Variants in PNPLA7 observed in about 807,000 individuals in gnomAD.
PNPLA7 encodes patatin like domain 7, lysophospholipase, also known as patatin-like phospholipase domain-containing protein 7.
A neutral mutation model predicts 161.7 loss-of-function variants in PNPLA7; 153 were observed. The ratio of observed to expected loss-of-function variants is 0.95; its 90% CI spans 0.83 to 1.08. PNPLA7 has a LOEUF of 1.08. PNPLA7 is among the 50% of genes least tolerant of loss of function. The probability of loss-of-function intolerance (pLI) is 0.00; values close to 1 mark genes in which losing one functional copy is unlikely to be tolerated. For missense variants in PNPLA7, 1,739 were observed against 1,856.6 expected (o/e 0.94, Z 1.16); for synonymous variants, 809 against 782.1 (o/e 1.03, Z -0.57).
intron 25 of PNPLA7, among the ~76,000 whole-genome samples, chr9:137,470,859 A>G (rs150186516): frequency 6.6e-6 from 1 of 152,384 alleles, no homozygotes; most frequent in African/African-American, 2.4e-5. Flanking sequence ...TCATCTCGAT[A>G]GAGTCACAAA....
Position 137,467,361 on chromosome 9 carries a change from G to A in PNPLA7, c.2995C>T (p.Arg999Trp), listed in dbSNP as rs776108371. The A allele has an allele frequency of 8.7e-6, 14 of 1,613,368 alleles. No homozygotes were observed. Among genetic ancestry groups the A allele is most frequent in the Admixed American group, 3.3e-5 (2 of 59,988 alleles). ...AFVGALYSEE[R>W]NYSQMRIRAK... The stretch of plus-strand genomic sequence containing the variant: ...CGGATCCGCATCTGGCTGTAGTTCC[G>A]CTCCTCAGAGTACAGGGCACCCACG... Residue 999 changes from arginine to tryptophan, a missense_variant, in exon 26 of 35, where the codon CGG becomes TGG. By Grantham distance (101) the Arg-to-Trp change is moderately radical. Around this residue, in one of 6 missense-constraint regions of PNPLA7, gnomAD observed 703 missense variants for 694.6 expected, o/e 1.01. Coordinates refer to ENST00000406427, the MANE Select transcript of PNPLA7 (RefSeq NM_001098537.3). This position sits in a 1 kb window ranked among gnomAD's most constrained non-coding sequence, Gnocchi z 5.1.
intron 8 of PNPLA7, among the ~76,000 whole-genome samples, chr9:137,526,403 A>T (rs890364219): frequency 6.6e-6 from 1 of 152,100 alleles, no homozygotes; most frequent in Non-Finnish European, 1.5e-5. Context: ...TCAGCCTCCC[A>T]AGTAGCTGGG....
At position 137,524,998 on chromosome 9, in the gene PNPLA7, T is replaced by C. The variant is rs1367726278; in HGVS notation, c.748-2141A>G. Among the ~76,000 whole-genome samples, 1 of 152,208 alleles carries C rather than the reference T, an allele frequency of 6.6e-6. No homozygotes were observed. The highest frequency in any genetic ancestry group is 1.5e-5 in the Non-Finnish European group (1 of 68,026). ...CTTAGAAGCTCCTGGAAGTGTCTTT[T>C]TATTCACAGTGCAATTCACTTGGGT... On this transcript the variant is annotated intron_variant, in intron 8 of 34. Coordinates refer to ENST00000406427, the MANE Select transcript of PNPLA7 (RefSeq NM_001098537.3). This position sits in a 1 kb window ranked among gnomAD's most constrained non-coding sequence, Gnocchi z 4.4.
At position 137,508,289 on chromosome 9, in the gene PNPLA7, C is replaced by T. The variant is rs114391885; in HGVS notation, c.1226-2206G>A. Among the ~76,000 whole-genome samples, 1,513 of 152,248 alleles carry T rather than the reference C, an allele frequency of 9.9e-3. 21 individuals are homozygous for T. The highest frequency in any genetic ancestry group is 0.034 in the African/African-American group (1,429 of 41,540). On this transcript the variant is annotated intron_variant, in intron 12 of 34. Transcript: ENST00000406427. ...GCCATTTAGAAAAGGATGTATCAGC[C>T]GGGCGCGGCAGCTCACGCCTGGAAT...
intron 8 of PNPLA7, among the ~76,000 whole-genome samples, chr9:137,528,901 TGCGTTA>T (rs1835436180): frequency 1.3e-5 from 2 of 151,964 alleles, no homozygotes; most frequent in African/African-American, 4.8e-5. Context: ...GAGGTTTCAC[TGCGTTA>T]GCCAGGATGG....
chr9:137,470,212 C>T (rs1479130980), intron 25 of PNPLA7, among the ~76,000 whole-genome samples: 6 of 152,126 alleles, frequency 3.9e-5, no homozygotes, highest in Admixed American at 1.3e-4. Context: ...GATGGGGTCT[C>T]ACTATGTTGC....
Position 137,541,574 on chromosome 9 carries a change from G to T in PNPLA7, c.667-852C>A. 1.2e-6 allele frequency: 1 copy of T among 834,064 alleles called. No individual in the cohort carries two copies. The highest frequency in any genetic ancestry group is 1.4e-6 in the Non-Finnish European group (1 of 691,790). 51.7% of individuals were successfully genotyped at this position (834,064 alleles called of 1,614,324 possible). A position where few individuals can be genotyped will look rare whatever the true frequency, so the allele number is the denominator to read the frequency against. On this transcript the variant is annotated intron_variant, in intron 7 of 34. Coordinates refer to ENST00000406427, the MANE Select transcript of PNPLA7 (RefSeq NM_001098537.3). This position sits in a 1 kb window ranked among gnomAD's most constrained non-coding sequence, Gnocchi z 4.4. ...TCACACAAAGCCCAGGGTTTGCTGAGTGCGTGCTTTAAATGAGAACAAGCA... is the reference window on the plus strand; with the variant it reads ...TCACACAAAGCCCAGGGTTTGCTGATTGCGTGCTTTAAATGAGAACAAGCA...
chr9:137,465,320 C>T (rs563901602), intron 26 of PNPLA7, among the ~76,000 whole-genome samples: 22 of 152,324 alleles, frequency 1.4e-4, no homozygotes, highest in Admixed American at 2.6e-4. Context: ...CACACAGCCC[C>T]GGCCTCACCT....
chr9:137,472,727 C>T lies in PNPLA7; in HGVS notation c.2883-5254G>A, dbSNP rs370863016. 5.4e-4 allele frequency among the ~76,000 whole-genome samples: 80 copies of T among 147,344 alleles called. 3 individuals carry two copies. The South Asian group carries it at 0.014, about 25-fold the overall frequency. On this transcript the variant is annotated intron_variant, in intron 25 of 34. Coordinates refer to ENST00000406427, the MANE Select transcript of PNPLA7 (RefSeq NM_001098537.3). Reference sequence around the variant, plus strand: ...ATTCCAGCACTTTGGGAGGCTGAGGCGGGCAGATCACGAGGTCAGGAGTTT... The same window carrying T: ...ATTCCAGCACTTTGGGAGGCTGAGGTGGGCAGATCACGAGGTCAGGAGTTT...
intron 25 of PNPLA7, among the ~76,000 whole-genome samples, chr9:137,473,014 C>G (rs1324406131): frequency 6.6e-6 from 1 of 152,052 alleles, no homozygotes; most frequent in East Asian, 1.9e-4. Context: ...GGAGGCCTCA[C>G]AATCATGGTG....
chr9:137,460,080 G>C lies in PNPLA7; in HGVS notation c.*313C>G, dbSNP rs1322014321. Reference sequence around the variant, plus strand: ...GCTTTGGGGGCCTCACAGGGCAGCAGGTGGTTCACAGGGCTTCGGGGGGCC... The same window carrying C: ...GCTTTGGGGGCCTCACAGGGCAGCACGTGGTTCACAGGGCTTCGGGGGGCC... On this transcript the variant is annotated 3_prime_UTR_variant, in exon 35 of 35. Coordinates refer to ENST00000406427, the MANE Select transcript of PNPLA7 (RefSeq NM_001098537.3). 6.2e-6 allele frequency: 2 copies of C among 322,578 alleles called. No individual in the cohort carries two copies. The highest frequency in any genetic ancestry group is 4.2e-5 in the Admixed American group (1 of 23,818). The allele number at this position is 322,578 out of a possible 1,614,324, so 20.0% of individuals were successfully genotyped here. A position where few individuals can be genotyped will look rare whatever the true frequency, so the allele number is the denominator to read the frequency against.
Position 137,502,952 on chromosome 9 carries a change from C to T in PNPLA7, c.1474-1225G>A, listed in dbSNP as rs115654912. Among the ~76,000 whole-genome samples, 429 of 151,916 alleles carry T rather than the reference C, an allele frequency of 2.8e-3. 3 individuals are homozygous for T. The highest frequency in any genetic ancestry group is 9.8e-3 in the African/African-American group (407 of 41,372). The stretch of plus-strand genomic sequence containing the variant: ...TTCAAGGGGGGGCACCCGAACGGTA[C>T]GGAAGGGGTGCAGAGAAAACAAGGT... On this transcript the variant is annotated intron_variant, in intron 14 of 34. Coordinates refer to ENST00000406427, the MANE Select transcript of PNPLA7 (RefSeq NM_001098537.3).
Position 137,468,234 on chromosome 9 carries a change from C to T in PNPLA7, c.2883-761G>A, listed in dbSNP as rs1462550998. ...ACCAGGCAGCCGGCACCCAGGGCCT[C>T]TAATTGCTACTGCTGCTTTCATACA... On this transcript the variant is annotated intron_variant, in intron 25 of 34. Transcript: ENST00000406427. The surrounding 1 kb of genome is among the most constrained non-coding windows in gnomAD (Gnocchi z 4.0). Among the ~76,000 whole-genome samples, 1 of 151,622 alleles carries T rather than the reference C, an allele frequency of 6.6e-6. No homozygotes were observed.
intron 12 of PNPLA7, among the ~76,000 whole-genome samples, chr9:137,506,948 C>T (rs1833955978): frequency 6.6e-6 from 1 of 152,232 alleles, no homozygotes; most frequent in Non-Finnish European, 1.5e-5. Context: ...AGAGGAACCG[C>T]GCAGACACTA....
In PNPLA7 at chr9:137,547,238, TC is replaced by T. The variant is rs1191504517; in HGVS notation, c.193+70del. 6.8e-7 allele frequency: 1 copy of T among 1,469,970 alleles called. No homozygotes were observed. The highest frequency in any genetic ancestry group is 9.5e-7 in the Non-Finnish European group (1 of 1,051,622). 91.1% of individuals were successfully genotyped at this position (1,469,970 alleles called of 1,614,324 possible). A position where few individuals can be genotyped will look rare whatever the true frequency, so the allele number is the denominator to read the frequency against. ...GCGCTTGAGGGCCCCTCCCAGGGGCTCAAAACACATCCCAAGACACCCACGC... is the reference window on the plus strand; with the variant it reads ...GCGCTTGAGGGCCCCTCCCAGGGGCTAAAACACATCCCAAGACACCCACGC... On this transcript the variant is annotated intron_variant, in intron 3 of 34. Transcript: ENST00000406427. This position sits in a 1 kb window ranked among gnomAD's most constrained non-coding sequence, Gnocchi z 4.6.
At chr9:137,505,350 T>G (rs1252091295) in intron 14 of PNPLA7, among the ~76,000 whole-genome samples, 2 of 152,216 alleles carry the variant, frequency 1.3e-5, no homozygotes, top group East Asian at 3.8e-4. Flanking sequence ...GTATTAAATA[T>G]AAACATAGAT....
At chr9:137,469,343 G>T (rs1218236438) in intron 25 of PNPLA7, among the ~76,000 whole-genome samples, 1 of 152,214 alleles carries the variant, frequency 6.6e-6, no homozygotes, top group Non-Finnish European at 1.5e-5. Context: ...AAACTCTAAT[G>T]TATGTGTGAT....
rs543155993 is a variant in PNPLA7 at position 137,495,216 on chromosome 9, A to G, written c.2014-70T>C. The G allele has an allele frequency of 2.1e-5, 24 of 1,137,966 alleles. No individual in the cohort carries two copies. In the East Asian group the frequency reaches 3.4e-4, roughly 16 times the overall value. The allele number at this position is 1,137,966 out of a possible 1,614,324, so 70.5% of individuals were successfully genotyped here. A position where few individuals can be genotyped will look rare whatever the true frequency, so the allele number is the denominator to read the frequency against. On this transcript the variant is annotated intron_variant, in intron 18 of 34. Transcript: ENST00000406427. ...CGAGCCAGCTGGACCTGTCCCTGAC[A>G]GCCTCCGGTGCCTGCCAGAGCCACA... is the stretch of plus-strand genomic sequence containing the variant.
At chr9:137,514,278 C>T (rs1834394444) in intron 12 of PNPLA7, among the ~76,000 whole-genome samples, 1 of 144,650 alleles carries the variant, frequency 6.9e-6, no homozygotes, top group African/African-American at 2.7e-5. Flanking sequence ...TGTTGAGATG[C>T]CCGGGCCCTG....
Sources: gnomAD v4.1 joint callset for allele counts (sites outside exome capture counted in the v4.1 genomes callset) on GRCh38, gnomAD v4.1.1 for gene constraint, gnomAD v4.1.1 regional missense constraint, Gnocchi (gnomAD v3.1) non-coding constraint, MANE v1.5 for transcripts, NCBI Gene and HGNC (gene_info 2026-07-23, HGNC 2026-07-21) for gene names.